Variants in PHLPP1 observed in about 807,000 individuals in gnomAD.
PHLPP1 encodes PH domain leucine-rich repeat-containing protein phosphatase 1.
A neutral mutation model predicts 117.2 loss-of-function variants in PHLPP1; 42 were observed. The observed-to-expected ratio is 0.36, with a 90% CI of 0.28 to 0.46. The LOEUF is 0.46. Among genes scored for constraint, PHLPP1 ranks in the 20% least tolerant of loss-of-function variants. The pLI, the probability that PHLPP1 is intolerant of heterozygous loss-of-function variation, is 1.00. For synonymous variants in PHLPP1, 1,042 were observed against 970.7 expected (o/e 1.07, Z -1.37); for missense variants, 2,084 against 2,241.9 (o/e 0.93, Z 1.42).
In PHLPP1 at chr18:62,937,004, T is replaced by C. The variant is rs146398610; in HGVS notation, c.2961-4714T>C. On this transcript the variant is annotated intron_variant, in intron 10 of 16. Transcript: ENST00000262719. ...GTTAGACAGTTGTGACTATGTAGAG[T>C]TTTAATGGTATATAAGTCCCAGTAC... 2.1e-3 allele frequency among the ~76,000 whole-genome samples: 320 copies of C among 151,968 alleles called. 2 individuals carry two copies. Among genetic ancestry groups the C allele is most frequent in the African/African-American group, 7.4e-3 (306 of 41,416 alleles).
intron 1 of PHLPP1, among the ~76,000 whole-genome samples, chr18:62,755,402 G>A (rs557407470): frequency 6.6e-6 from 1 of 152,204 alleles, no homozygotes; most frequent in African/African-American, 2.4e-5. Context: ...ATAGTGCCGT[G>A]GTGTGAGTGT....
chr18:62,964,059 A>T (rs562761210), intron 14 of PHLPP1, among the ~76,000 whole-genome samples: 2 of 152,230 alleles, frequency 1.3e-5, no homozygotes, highest in South Asian at 4.1e-4. Context: ...TTTTTCCTGA[A>T]AAATGTAACC....
Position 62,979,599 on chromosome 18 carries a change from T to C in PHLPP1, c.*168T>C. The stretch of plus-strand genomic sequence containing the variant: ...GTTCTCTTTCTTTGGGTTATTTTTT[T>C]AAGTAATCACCACTTTCTTCTAGTG... On this transcript the variant is annotated 3_prime_UTR_variant, in exon 17 of 17. Coordinates refer to ENST00000262719, the MANE Select transcript of PHLPP1 (RefSeq NM_194449.4). 2.9e-6 allele frequency: 2 copies of C among 696,948 alleles called. No individual in the cohort carries two copies. The highest frequency in any genetic ancestry group is 2.0e-5 in the South Asian group (1 of 50,458). 43.2% of individuals were successfully genotyped at this position (696,948 alleles called of 1,614,324 possible).
chr18:62,956,749 A>G (rs1910621895), intron 12 of PHLPP1, among the ~76,000 whole-genome samples: 2 of 152,190 alleles, frequency 1.3e-5, no homozygotes, highest in African/African-American at 4.8e-5. Flanking sequence ...CTCATAATAA[A>G]ATATGATTAT....
chr18:62,815,994 T>C (rs1914261525), intron 1 of PHLPP1, among the ~76,000 whole-genome samples: 1 of 152,192 alleles, frequency 6.6e-6, no homozygotes, highest in Non-Finnish European at 1.5e-5. Flanking sequence ...ATATCAATAG[T>C]ATTGTTTCAA....
At chr18:62,819,751 T>G (rs12454652) in intron 1 of PHLPP1, among the ~76,000 whole-genome samples, 3,584 of 152,304 alleles carry the variant, frequency 0.024, 56 homozygotes, top group Middle Eastern at 0.058. Flanking sequence ...GTTCAAGCGA[T>G]TCTCCTGCCT....
chr18:62,729,076 G>A (rs569567986), intron 1 of PHLPP1, among the ~76,000 whole-genome samples: 2 of 152,284 alleles, frequency 1.3e-5, no homozygotes, highest in South Asian at 4.1e-4. Context: ...AAAAAATGAA[G>A]TGTTTTTTTT....
chr18:62,882,855 C>T (rs1916201076), intron 4 of PHLPP1, among the ~76,000 whole-genome samples: 1 of 150,770 alleles, frequency 6.6e-6, no homozygotes, highest in African/African-American at 2.4e-5. Context: ...CTCCCTTCCC[C>T]TAGTATATAA....
chr18:62,936,221 C>T (rs951578606), intron 10 of PHLPP1, among the ~76,000 whole-genome samples: 2 of 151,950 alleles, frequency 1.3e-5, no homozygotes, highest in African/African-American at 2.4e-5. Flanking sequence ...TTTGGGACAA[C>T]GTGAGCAAAA....
chr18:62,842,610 T>A (rs180807386), intron 3 of PHLPP1, among the ~76,000 whole-genome samples: 276 of 152,090 alleles, frequency 1.8e-3, no homozygotes, highest in African/African-American at 6.5e-3. Flanking sequence ...ATGATCCGCC[T>A]GCCTCAGCCT....
chr18:62,846,746 A>G (rs79514825), intron 3 of PHLPP1, among the ~76,000 whole-genome samples: 7,175 of 152,278 alleles, frequency 0.047, 271 homozygotes, highest in South Asian at 0.082. Context: ...AAGTTAGAGA[A>G]CTTAGAACTT....
intron 3 of PHLPP1, among the ~76,000 whole-genome samples, chr18:62,858,387 C>T (rs1446049183): frequency 7.9e-5 from 12 of 152,092 alleles, no homozygotes; most frequent in Non-Finnish European, 1.5e-5. Context: ...CTCAGCCTCC[C>T]GAGTAGCCGG....
At chr18:62,969,071 T>G (rs747530365) in intron 14 of PHLPP1, among the ~76,000 whole-genome samples, 36 of 152,052 alleles carry the variant, frequency 2.4e-4, no homozygotes, top group Non-Finnish European at 4.3e-4. Context: ...TTTTTGTTTG[T>G]TTTGTTTGTT....
In PHLPP1 at chr18:62,716,667, G is replaced by T. The variant is rs1443212180; in HGVS notation, c.984G>T (p.Pro328=). ...PAPSDSSPGE[P]FVGGPVSSPR... ...CCTCGGACTCCAGCCCCGGCGAGCCGTTCGTTGGGGGCCCTGTCTCTTCGC... is the reference window on the plus strand; with the variant it reads ...CCTCGGACTCCAGCCCCGGCGAGCCTTTCGTTGGGGGCCCTGTCTCTTCGC... The change falls in exon 1 of 17, where the codon CCG becomes CCT. Residue 328 remains proline, a synonymous_variant. Transcript: ENST00000262719. This position sits in a 1 kb window ranked among gnomAD's most constrained non-coding sequence, Gnocchi z 5.7. 5 of 1,439,390 alleles carry T rather than the reference G, an allele frequency of 3.5e-6. No individual in the cohort carries two copies. In the African/African-American group the frequency reaches 4.5e-5, roughly 13 times the overall value. The allele number at this position is 1,439,390 out of a possible 1,614,324, so 89.2% of individuals were successfully genotyped here.
chr18:62,862,015 C>T lies in PHLPP1; in HGVS notation c.2066+1414C>T, dbSNP rs565532475. Among the ~76,000 whole-genome samples the T allele has an allele frequency of 5.3e-5, 8 of 152,184 alleles. No individual in the cohort carries two copies. The East Asian group carries it at 1.5e-3, about 29-fold the overall frequency. On this transcript the variant is annotated intron_variant, in intron 4 of 16. Coordinates refer to ENST00000262719, the MANE Select transcript of PHLPP1 (RefSeq NM_194449.4). Reference sequence around the variant, plus strand: ...ACTCCGTTGTGTAACACAGATACTCCAAATGTTAATGTATTTTATTATGGA... The same window carrying T: ...ACTCCGTTGTGTAACACAGATACTCTAAATGTTAATGTATTTTATTATGGA...
intron 1 of PHLPP1, among the ~76,000 whole-genome samples, chr18:62,746,508 T>G (rs1911678525): frequency 1.3e-5 from 2 of 152,224 alleles, no homozygotes; most frequent in South Asian, 4.1e-4. Context: ...TGTTCTTAAA[T>G]AGCAATTAAT....
At position 62,741,742 on chromosome 18, in the gene PHLPP1, A is replaced by G. The variant is rs530566754; in HGVS notation, c.1576+24483A>G. Among the ~76,000 whole-genome samples, 9 of 150,680 alleles carry G rather than the reference A, an allele frequency of 6.0e-5. No individual in the cohort carries two copies. The East Asian group carries it at 1.6e-3, about 26-fold the overall frequency. On this transcript the variant is annotated intron_variant, in intron 1 of 16. Coordinates refer to ENST00000262719, the MANE Select transcript of PHLPP1 (RefSeq NM_194449.4). Reference sequence around the variant, plus strand: ...GCAGTGAATTCTTGTTTAAGCTGAGACCTGAGGACTGAATAGTAGCTTGGG... The same window carrying G: ...GCAGTGAATTCTTGTTTAAGCTGAGGCCTGAGGACTGAATAGTAGCTTGGG...
At chr18:62,787,530 C>T (rs528306908) in intron 1 of PHLPP1, among the ~76,000 whole-genome samples, 14 of 152,178 alleles carry the variant, frequency 9.2e-5, no homozygotes, top group South Asian at 4.1e-4. Context: ...TTTAATATTC[C>T]GAGGATGACA....
At chr18:62,751,679 C>T (rs1911858760) in intron 1 of PHLPP1, among the ~76,000 whole-genome samples, 1 of 152,116 alleles carries the variant, frequency 6.6e-6, no homozygotes, top group Non-Finnish European at 1.5e-5. Context: ...GTCTGGATGC[C>T]AGGCCCTATT....
Sources: gnomAD v4.1 joint callset for allele counts (sites outside exome capture counted in the v4.1 genomes callset) on GRCh38, gnomAD v4.1.1 for gene constraint, Gnocchi (gnomAD v3.1) non-coding constraint, MANE v1.5 for transcripts, NCBI Gene and HGNC (gene_info 2026-07-23, HGNC 2026-07-21) for gene names.